TTC34: variants seen among roughly 807,000 people sequenced by gnomAD.
TTC34 encodes the protein tetratricopeptide repeat protein 34.
A neutral mutation model predicts 40.7 loss-of-function variants in TTC34; 44 were observed. The observed-to-expected ratio is 1.08, with a 90% CI of 0.85 to 1.39. The LOEUF (loss-of-function observed/expected upper bound fraction) is 1.39. Ranked by LOEUF, TTC34 falls within the 40% of genes most tolerant of loss-of-function variation. The pLI, the probability that TTC34 is intolerant of heterozygous loss-of-function variation, is 0.00. For missense variants in TTC34, 884 were observed against 838.0 expected (o/e 1.05, Z -0.68); for synonymous variants, 422 against 398.6 (o/e 1.06, Z -0.70).
At chr1:2,769,727 T>C (rs1350349874) in intron 6 of TTC34, among the ~76,000 whole-genome samples, 3 of 136,948 alleles carry the variant, frequency 2.2e-5, no homozygotes, top group Non-Finnish European at 3.1e-5. Flanking sequence ...GGTGAGCATC[T>C]GACAGCCTGG....
At chr1:2,686,339 C>T (rs531148377) in intron 6 of TTC34, among the ~76,000 whole-genome samples, 4 of 148,236 alleles carry the variant, frequency 2.7e-5, no homozygotes, top group African/African-American at 7.4e-5. Flanking sequence ...GAGCATCCGA[C>T]AGCCTGGAGC....
At position 2,796,662 on chromosome 1, in the gene TTC34, C is replaced by T. The variant is rs942995875; in HGVS notation, c.784+3382G>A. Among the ~76,000 whole-genome samples the T allele has an allele frequency of 6.6e-6, 1 of 152,094 alleles. No individual in the cohort carries two copies. Among genetic ancestry groups the T allele is most frequent in the African/African-American group, 2.4e-5 (1 of 41,412 alleles). ...TGCGTGATCATTAAAGTGGAAGGCC[C>T]CCTCCCTCCTGGAGCCCCCTTGCTG... On this transcript the variant is annotated intron_variant, in intron 2 of 8. Transcript: ENST00000401095. This position sits in a 1 kb window ranked among gnomAD's most constrained non-coding sequence, Gnocchi z 4.5.
chr1:2,777,451 T>C (rs942467749), intron 6 of TTC34, among the ~76,000 whole-genome samples: 1 of 150,400 alleles, frequency 6.6e-6, no homozygotes, highest in African/African-American at 2.5e-5. Flanking sequence ...GGACAAGTCC[T>C]GCCCCCCGGT....
chr1:2,748,446 G>A (rs1328773940), intron 6 of TTC34, among the ~76,000 whole-genome samples: 898 of 76,560 alleles, frequency 0.012, no homozygotes, highest in East Asian at 0.02. Context: ...ACACCCCCAG[G>A]TGAGAATCTG....
intron 2 of TTC34, among the ~76,000 whole-genome samples, chr1:2,795,510 C>T (rs1643703523): frequency 6.6e-6 from 1 of 152,148 alleles, no homozygotes; most frequent in Non-Finnish European, 1.5e-5. Flanking sequence ...GGGAGAATTC[C>T]AAGGTGAAGG....
intron 6 of TTC34, among the ~76,000 whole-genome samples, chr1:2,681,546 C>A (rs1377579334): frequency 2.8e-5 from 3 of 105,682 alleles, no homozygotes; most frequent in Non-Finnish European, 4.7e-5. Context: ...GCATCCTCAC[C>A]CCCAGTTGCG....
intron 6 of TTC34, among the ~76,000 whole-genome samples, chr1:2,652,412 T>C (rs1467337420): frequency 0.017 from 2,494 of 145,638 alleles, no homozygotes; most frequent in Non-Finnish European, 0.02. Flanking sequence ...ACACCCCCAG[T>C]GAGCATCTGA....
intron 6 of TTC34, among the ~76,000 whole-genome samples, chr1:2,700,129 T>TA (rs1641063040): frequency 5.1e-5 from 4 of 78,418 alleles, no homozygotes; most frequent in African/African-American, 8.0e-5. Context: ...AGCAGCATCC[T>TA]CACCCCAGGT....
At chr1:2,756,805 C>T (rs1641522295) in intron 6 of TTC34, among the ~76,000 whole-genome samples, 19 of 144,594 alleles carry the variant, frequency 1.3e-4, no homozygotes, top group Admixed American at 3.5e-4. Flanking sequence ...GAACATCCGA[C>T]AGCCTGGAGC....
At chr1:2,644,976 G>A (rs1638989353) in intron 7 of TTC34, among the ~76,000 whole-genome samples, 1 of 152,150 alleles carries the variant, frequency 6.6e-6, no homozygotes, top group South Asian at 2.1e-4. Context: ...GTGGGTGCCC[G>A]AGAAACAACG....
chr1:2,685,518 G>C (rs1351926242), intron 6 of TTC34, among the ~76,000 whole-genome samples: 8 of 80,616 alleles, frequency 9.9e-5, no homozygotes, highest in South Asian at 9.2e-4. Flanking sequence ...AGCACCCACA[G>C]ACCAAGGTGA....
intron 6 of TTC34, among the ~76,000 whole-genome samples, chr1:2,696,902 T>C (rs1177466900): frequency 6.8e-5 from 2 of 29,320 alleles, no homozygotes; most frequent in Admixed American, 4.6e-4. Flanking sequence ...CATCTGATGG[T>C]CTGGAGCAGC....
chr1:2,688,466 G>T (rs1289004521), intron 6 of TTC34, among the ~76,000 whole-genome samples: 1 of 138,156 alleles, frequency 7.2e-6, no homozygotes, highest in African/African-American at 3.1e-5. Context: ...GTGAACATCC[G>T]ACATTGTGGA....
At chr1:2,783,891 G>A (rs1643531704) in intron 5 of TTC34, 116 bp from the exon 6 acceptor site, 3 of 993,024 alleles carry the variant, frequency 3.0e-6, no homozygotes, top group East Asian at 6.2e-5. Context: ...CTACCTTGGG[G>A]AGCTCACAGG....
intron 1 of TTC34, 62 bp from the exon 2 acceptor site, chr1:2,800,930 C>T (rs1643765951): frequency 5.0e-6 from 2 of 398,128 alleles, no homozygotes; most frequent in Non-Finnish European, 8.8e-6. Flanking sequence ...CCTGTGGCCA[C>T]CCGTGCCCAG....
At chr1:2,752,591 C>G (rs1263323394) in intron 6 of TTC34, among the ~76,000 whole-genome samples, 2 of 48,206 alleles carry the variant, frequency 4.1e-5, no homozygotes, top group Non-Finnish European at 7.0e-5. Context: ...GAGAATCTGA[C>G]AACCTGGAAC....
intron 6 of TTC34, among the ~76,000 whole-genome samples, chr1:2,756,005 C>A (rs1237699942): frequency 3.0e-5 from 2 of 67,318 alleles, no homozygotes; most frequent in African/African-American, 1.1e-4. Flanking sequence ...GCATCTGACA[C>A]CCTGAAACAG....
At chr1:2,647,735 G>A (rs1413042687) in intron 6 of TTC34, among the ~76,000 whole-genome samples, 11 of 152,220 alleles carry the variant, frequency 7.2e-5, no homozygotes, top group Admixed American at 2.6e-4. Flanking sequence ...CTGCCACTTC[G>A]CCCTCCCAAA....
intron 6 of TTC34, among the ~76,000 whole-genome samples, chr1:2,671,850 C>G (rs1416821794): frequency 3.2e-4 from 44 of 138,030 alleles, no homozygotes; most frequent in Admixed American, 4.3e-4. Context: ...AGCATCTGAA[C>G]TCATGGAGCA....
Sources: gnomAD v4.1 joint callset for allele counts (sites outside exome capture counted in the v4.1 genomes callset) on GRCh38, gnomAD v4.1.1 for gene constraint, Gnocchi (gnomAD v3.1) non-coding constraint, MANE v1.5 for transcripts, NCBI Gene and HGNC (gene_info 2026-07-23, HGNC 2026-07-21) for gene names.